Variants in ARHGEF10L observed in about 807,000 individuals in gnomAD.
ARHGEF10L encodes Rho guanine nucleotide exchange factor 10 like, also known as rho guanine nucleotide exchange factor 10-like protein.
ARHGEF10L carries 69 observed loss-of-function variants against 141.2 expected under a neutral mutation model. That is an observed-to-expected ratio of 0.49 (90% CI 0.40 to 0.60). The LOEUF (loss-of-function observed/expected upper bound fraction) is 0.60. Among genes scored for constraint, ARHGEF10L ranks in the 20% least tolerant of loss-of-function variants. ARHGEF10L has a pLI of 0.00. For missense variants in ARHGEF10L, 1,482 were observed against 1,734.3 expected (o/e 0.85, Z 2.58); for synonymous variants, 711 against 718.5 (o/e 0.99, Z 0.17).
At chr1:17,595,943 T>C (rs1008198006) in intron 4 of ARHGEF10L, among the ~76,000 whole-genome samples, 1 of 152,214 alleles carries the variant, frequency 6.6e-6, no homozygotes, top group African/African-American at 2.4e-5. Context: ...GAAGTAGGAC[T>C]GATACTTCAC....
chr1:17,688,524 G>A (rs567035437), intron 27 of ARHGEF10L, among the ~76,000 whole-genome samples: 3 of 152,338 alleles, frequency 2.0e-5, no homozygotes, highest in East Asian at 1.9e-4. Context: ...ACTGACCTGC[G>A]GCCAGTGTGG....
the ARHGEF10L span, among the ~76,000 whole-genome samples, chr1:17,520,085 C>T: frequency 6.6e-6 from 1 of 152,168 alleles, no homozygotes; most frequent in Non-Finnish European, 1.5e-5. Context: ...CTACTTGGCA[C>T]CCCCCTCTGG....
In ARHGEF10L at chr1:17,573,806, C is replaced by T. The variant is rs2078107950; in HGVS notation, c.-43-6747C>T. Among the ~76,000 whole-genome samples, 1 of 152,004 alleles carries T rather than the reference C, an allele frequency of 6.6e-6. No homozygotes were observed. The highest frequency in any genetic ancestry group is 2.4e-5 in the African/African-American group (1 of 41,402). On this transcript the variant is annotated intron_variant, in intron 1 of 28. Coordinates refer to ENST00000361221, the MANE Select transcript of ARHGEF10L (RefSeq NM_018125.4). This position sits in a 1 kb window ranked among gnomAD's most constrained non-coding sequence, Gnocchi z 4.8. Reference sequence around the variant, plus strand: ...CCCACTCTTCCTGCCTGCAGATCCTCACCAGGGGCTCCCTAGGAGGTCAGT... The same window carrying T: ...CCCACTCTTCCTGCCTGCAGATCCTTACCAGGGGCTCCCTAGGAGGTCAGT...
At chr1:17,581,309 C>CAAAAA (rs71014975) in intron 2 of ARHGEF10L, among the ~76,000 whole-genome samples, 54 of 68,844 alleles carry the variant, frequency 7.8e-4, no homozygotes, top group African/African-American at 1.9e-3. Flanking sequence ...AAGACTGTCT[C>CAAAAA]AAAAAAAAAA....
intron 21 of ARHGEF10L, among the ~76,000 whole-genome samples, chr1:17,647,604 CAG>C (rs2061677232): frequency 1.3e-5 from 2 of 152,154 alleles, no homozygotes; most frequent in Non-Finnish European, 1.5e-5. Flanking sequence ...TGCTGGGTGT[CAG>C]GGGACAGTGG....
chr1:17,686,135 A>T (rs2064575101), intron 26 of ARHGEF10L, among the ~76,000 whole-genome samples: 1 of 141,024 alleles, frequency 7.1e-6, no homozygotes, highest in African/African-American at 2.8e-5. Flanking sequence ...TGTAGCATTC[A>T]CATTTTTCTG....
At chr1:17,556,840 GA>G (rs2077346886) in intron 1 of ARHGEF10L, among the ~76,000 whole-genome samples, 1 of 152,038 alleles carries the variant, frequency 6.6e-6, no homozygotes, top group Non-Finnish European at 1.5e-5. Flanking sequence ...ACCACTTTTT[GA>G]AAAAGGCCGT....
In ARHGEF10L at chr1:17,613,129, T is replaced by C; in HGVS notation, c.681T>C (p.Val227=). The C allele has an allele frequency of 6.2e-7, 1 of 1,613,962 alleles. No homozygotes were observed. Among genetic ancestry groups the C allele is most frequent in the Admixed American group, 1.7e-5 (1 of 60,002 alleles). Residue 227 remains valine, a synonymous_variant, in exon 8 of 29, where the codon GTT becomes GTC. Coordinates refer to ENST00000361221, the MANE Select transcript of ARHGEF10L (RefSeq NM_018125.4). ...AGAGAGACATCTTGGCTTTGAGAGT[T>C]GGGGGGAGAGACATGCAGGAGCTGA... is the stretch of plus-strand genomic sequence containing the variant. ...RTKRDILALR[V]GGRDMQELKH...
chr1:17,664,490 T>G lies in ARHGEF10L; in HGVS notation c.2904T>G (p.Thr968=), dbSNP rs2062845925. Residue 968 remains threonine (T), a synonymous_variant, in exon 26 of 29, where the codon ACT becomes ACG. Coordinates refer to ENST00000361221, the MANE Select transcript of ARHGEF10L (RefSeq NM_018125.4). ...TGGAGAGCCCTCCCGTGTGCCTGAC[T>G]GTGGGGCCCGGGCCTGTCCGCACCC... ...WDLESPPVCL[T]VGPGPVRTLL... 1 of 1,607,462 alleles carries G rather than the reference T, an allele frequency of 6.2e-7. No homozygotes were observed. Among genetic ancestry groups the G allele is most frequent in the Non-Finnish European group, 8.5e-7 (1 of 1,179,790 alleles).
Position 17,625,827 on chromosome 1 carries a change from C to T in ARHGEF10L, c.1318-129C>T. ...CACGGACCTCTCTCAGCTCTTCTTG[C>T]AAGCCCAGGGATAGGCAGGGTCTTA... On this transcript the variant is annotated intron_variant, in intron 13 of 28. Transcript: ENST00000361221. This position sits in a 1 kb window ranked among gnomAD's most constrained non-coding sequence, Gnocchi z 4.5. The T allele has an allele frequency of 1.3e-6, 1 of 765,278 alleles. No individual in the cohort carries two copies. The highest frequency in any genetic ancestry group is 2.2e-6 in the Non-Finnish European group (1 of 464,082). 47.4% of individuals were successfully genotyped at this position (765,278 alleles called of 1,614,324 possible). A position where few individuals can be genotyped will look rare whatever the true frequency, so the allele number is the denominator to read the frequency against.
At chr1:17,515,198 T>C in the ARHGEF10L span, among the ~76,000 whole-genome samples, 1 of 152,104 alleles carries the variant, frequency 6.6e-6, no homozygotes, top group Non-Finnish European at 1.5e-5. Flanking sequence ...CAGACATTTT[T>C]GGCTGACAGA....
rs1344131431 is a variant in ARHGEF10L, at chr1:17,626,014, T to C, written c.1376T>C (p.Ile459Thr). ...CTCTACGGGCTGATGGTCAAGCCCA[T>C]CCAGAGGTTCCCACAGTTCATACTC... ...VTLYGLMVKP[I>T]QRFPQFILLL... The change falls in exon 14 of 29, where the codon ATC becomes ACC. Residue 459 changes from isoleucine to threonine, a missense_variant. By Grantham distance (89) the Ile-to-Thr change is moderately conservative (BLOSUM62 -1). Around this residue, in one of 3 missense-constraint regions of ARHGEF10L, gnomAD observed 392 missense variants for 542.1 expected, o/e 0.72. Coordinates refer to ENST00000361221, the MANE Select transcript of ARHGEF10L (RefSeq NM_018125.4). 1 of 1,613,924 alleles carries C rather than the reference T, an allele frequency of 6.2e-7. No individual in the cohort carries two copies. The highest frequency in any genetic ancestry group is 8.5e-7 in the Non-Finnish European group (1 of 1,179,894).
At chr1:17,593,403 G>A (rs1380102762) in intron 4 of ARHGEF10L, among the ~76,000 whole-genome samples, 3 of 152,192 alleles carry the variant, frequency 2.0e-5, no homozygotes, top group Non-Finnish European at 4.4e-5. Flanking sequence ...AAAGGGACTT[G>A]GCAGATGTGA....
intron 21 of ARHGEF10L, among the ~76,000 whole-genome samples, chr1:17,643,994 AC>A (rs764634285): frequency 6.6e-6 from 1 of 151,190 alleles, no homozygotes; most frequent in Non-Finnish European, 1.5e-5. Context: ...TCCCTCCTGT[AC>A]CCTCCCCCGC....
chr1:17,613,054 C>G lies in ARHGEF10L; in HGVS notation c.610-4C>G, dbSNP rs1279613285. On this transcript the variant is annotated splice_polypyrimidine_tract_variant and splice_region_variant and intron_variant, in intron 7 of 28. Coordinates refer to ENST00000361221, the MANE Select transcript of ARHGEF10L (RefSeq NM_018125.4). ...TCCTTCTGCCTGGCCGCTTGGGGCT[C>G]CAGCTTTCTCCAGACCTGACTAGGC... The G allele has an allele frequency of 6.2e-7, 1 of 1,611,586 alleles. No individual in the cohort carries two copies. The highest frequency in any genetic ancestry group is 1.7e-5 in the Admixed American group (1 of 59,902).
In ARHGEF10L at chr1:17,551,550, C is replaced by A. The variant is rs1446961022; in HGVS notation, c.-44+11600C>A. Among the ~76,000 whole-genome samples, 3 of 152,180 alleles carry A rather than the reference C, an allele frequency of 2.0e-5. No individual in the cohort carries two copies. The South Asian group carries it at 6.2e-4, about 32-fold the overall frequency. ...CTTGTACTTTATCTTGTGGGCCCTG[C>A]GAGCCAGTCAACTGTTTCAAGCTAG... On this transcript the variant is annotated intron_variant, in intron 1 of 28. Transcript: ENST00000361221.
chr1:17,585,695 G>T lies in ARHGEF10L; in HGVS notation c.38-1765G>T, dbSNP rs569946851. 2.0e-5 allele frequency among the ~76,000 whole-genome samples: 3 copies of T among 152,298 alleles called. No homozygotes were observed. The South Asian group carries it at 6.2e-4, about 32-fold the overall frequency. On this transcript the variant is annotated intron_variant, in intron 2 of 28. Coordinates refer to ENST00000361221, the MANE Select transcript of ARHGEF10L (RefSeq NM_018125.4). ...TCTGGGAACCTCCAGGTCATTGTAG[G>T]GGAGTGACTGGATTTTTCTAGTCCA...
chr1:17,569,908 C>T (rs2077923054), intron 1 of ARHGEF10L, among the ~76,000 whole-genome samples: 1 of 152,234 alleles, frequency 6.6e-6, no homozygotes, highest in South Asian at 2.1e-4. Flanking sequence ...GGCCCTGTCC[C>T]ACTCCTCCCC....
chr1:17,680,925 A>G (rs184413566), intron 26 of ARHGEF10L, among the ~76,000 whole-genome samples: 5 of 151,992 alleles, frequency 3.3e-5, no homozygotes, highest in African/African-American at 1.2e-4. Flanking sequence ...CTGGGATTAC[A>G]AGTGCCCACC....
Sources: allele counts gnomAD v4.1 joint callset (sites outside exome capture counted in the v4.1 genomes callset), GRCh38; gene constraint gnomAD v4.1.1; regional missense constraint gnomAD v4.1.1; non-coding constraint Gnocchi (gnomAD v3.1); transcripts MANE v1.5; gene names NCBI Gene and HGNC (gene_info 2026-07-23, HGNC 2026-07-21).